The following ROCK2 variants were observed in gnomAD, a reference collection of about 807,000 sequenced individuals.
ROCK2 encodes Rho associated coiled-coil containing protein kinase 2, also known as rho-associated protein kinase 2.
ROCK2 carries 61 observed loss-of-function variants against 195.1 expected under a neutral mutation model. The ratio of observed to expected loss-of-function variants is 0.31; its 90% CI spans 0.25 to 0.39. The LOEUF (loss-of-function observed/expected upper bound fraction) is 0.39. ROCK2 is among the 10% of genes least tolerant of loss of function. The pLI, the probability that ROCK2 is intolerant of heterozygous loss-of-function variation, is 1.00. For synonymous variants in ROCK2, 504 were observed against 545.5 expected (o/e 0.92, Z 1.06); for missense variants, 1,109 against 1,637.4 (o/e 0.68, Z 5.57).
intron 1 of ROCK2, among the ~76,000 whole-genome samples, chr2:11,313,034 T>C (rs953150429): frequency 2.0e-5 from 3 of 152,070 alleles, no homozygotes; most frequent in South Asian, 2.1e-4. Flanking sequence ...TTTTGTATGA[T>C]ACTGTAACTG....
chr2:11,246,228 C>A (rs933039648), intron 4 of ROCK2, among the ~76,000 whole-genome samples: 3 of 152,136 alleles, frequency 2.0e-5, no homozygotes, highest in African/African-American at 7.2e-5. Context: ...CTATATCTAA[C>A]AACCAATTTA....
intron 1 of ROCK2, among the ~76,000 whole-genome samples, chr2:11,289,078 T>C (rs571065387): frequency 3.9e-5 from 6 of 152,196 alleles, no homozygotes; most frequent in South Asian, 2.1e-4. Flanking sequence ...GTGTTAAGAG[T>C]AAACTATTAA....
chr2:11,294,956 T>C (rs183029125), intron 1 of ROCK2, among the ~76,000 whole-genome samples: 2 of 152,062 alleles, frequency 1.3e-5, no homozygotes, highest in Admixed American at 1.3e-4. Context: ...CCCGGCTACT[T>C]TTTTGTATTT....
intron 3 of ROCK2, among the ~76,000 whole-genome samples, chr2:11,270,439 T>C (rs1192656507): frequency 6.6e-6 from 1 of 152,170 alleles, no homozygotes; most frequent in Non-Finnish European, 1.5e-5. Context: ...TTATTTCAAA[T>C]GTTTCTTCTG....
At chr2:11,185,924 T>C (rs1663180175) in intron 32 of ROCK2, among the ~76,000 whole-genome samples, 1 of 152,164 alleles carries the variant, frequency 6.6e-6, no homozygotes, top group Non-Finnish European at 1.5e-5. Context: ...CTTTAGTGTA[T>C]ATGATTTACC....
chr2:11,279,614 G>A (rs1205833895), intron 3 of ROCK2, among the ~76,000 whole-genome samples: 1 of 152,156 alleles, frequency 6.6e-6, no homozygotes, highest in Non-Finnish European at 1.5e-5. Context: ...ATCAGAAATG[G>A]ACAGATCCAG....
At chr2:11,269,610 T>C (rs1666553060) in intron 3 of ROCK2, among the ~76,000 whole-genome samples, 1 of 152,244 alleles carries the variant, frequency 6.6e-6, no homozygotes, top group African/African-American at 2.4e-5. Context: ...TTTCTTTGAA[T>C]GGCCTATATA....
Position 11,254,727 on chromosome 2 carries a change from T to TAAAAAAAAAAAA in ROCK2, c.325-4941_325-4930dup, listed in dbSNP as rs10640683. ...TAGGCAACAGTGAGACCCTGTCTCT[T>TAAAAAAAAAAAA]AAAAAAAAAAAAAAAAAAAAAAAAA... On this transcript the variant is annotated intron_variant, in intron 3 of 32. Coordinates refer to ENST00000315872, the MANE Select transcript of ROCK2 (RefSeq NM_004850.5). Among the ~76,000 whole-genome samples, 9 of 39,126 alleles carry TAAAAAAAAAAAA rather than the reference T, an allele frequency of 2.3e-4. 1 individual carries two copies. The highest frequency in any genetic ancestry group is 7.1e-4 in the Admixed American group (2 of 2,798). The allele number at this position is 39,126 out of a possible 152,430, so 25.7% of individuals were successfully genotyped here. A position where few individuals can be genotyped will look rare whatever the true frequency, so the allele number is the denominator to read the frequency against.
At chr2:11,185,087 GTTTGA>G (rs750699534) in intron 32 of ROCK2, among the ~76,000 whole-genome samples, 3 of 152,180 alleles carry the variant, frequency 2.0e-5, no homozygotes, top group Non-Finnish European at 2.9e-5. Flanking sequence ...CTGATGCCCA[GTTTGA>G]TTTGAGAATT....
intron 1 of ROCK2, among the ~76,000 whole-genome samples, chr2:11,340,253 C>T (rs1260648902): frequency 2.0e-5 from 3 of 152,162 alleles, no homozygotes; most frequent in Non-Finnish European, 4.4e-5. Context: ...ATTCATATTC[C>T]TCCAGCAAAA....
At chr2:11,221,118 T>C (rs1054939127) in intron 9 of ROCK2, 80 bp downstream of exon 9, 20 of 1,050,244 alleles carry the variant, frequency 1.9e-5, no homozygotes, top group Non-Finnish European at 2.7e-6. Flanking sequence ...TTATCTCCTA[T>C]AATTGAGTCT....
chr2:11,279,267 T>G (rs547211505), intron 3 of ROCK2, among the ~76,000 whole-genome samples: 1 of 152,308 alleles, frequency 6.6e-6, no homozygotes, highest in East Asian at 1.9e-4. Flanking sequence ...AAGACCCAAC[T>G]ATATTTTTTC....
At chr2:11,339,739 A>T (rs921193122) in intron 1 of ROCK2, among the ~76,000 whole-genome samples, 1 of 152,178 alleles carries the variant, frequency 6.6e-6, no homozygotes, top group African/African-American at 2.4e-5. Context: ...AGTAAAACTA[A>T]ACAATATTGT....
At chr2:11,341,104 G>T (rs772667503) in intron 1 of ROCK2, among the ~76,000 whole-genome samples, 2 of 151,426 alleles carry the variant, frequency 1.3e-5, no homozygotes, top group Non-Finnish European at 2.9e-5. Context: ...AGGCAGTAGA[G>T]AAGCAAAACT....
chr2:11,249,276 T>C (rs1036686529), intron 4 of ROCK2, among the ~76,000 whole-genome samples: 1 of 152,226 alleles, frequency 6.6e-6, no homozygotes, highest in African/African-American at 2.4e-5. Context: ...GTTACATATG[T>C]ACACATGTGC....
intron 1 of ROCK2, among the ~76,000 whole-genome samples, chr2:11,327,941 G>C (rs1668597544): frequency 6.6e-6 from 1 of 152,096 alleles, no homozygotes; most frequent in Non-Finnish European, 1.5e-5. Context: ...TTTTGTTTTT[G>C]TGATAAGCTG....
rs1170192181 is a variant in ROCK2, at chr2:11,218,464, T to G, written c.1323A>C (p.Glu441Asp). 1 of 1,553,974 alleles carries G rather than the reference T, an allele frequency of 6.4e-7. No individual in the cohort carries two copies. Reference protein sequence around the residue: ...TDSIQSRKNEESQEIQKKLYT... With the variant: ...TDSIQSRKNEDSQEIQKKLYT... ...GACAACATCAACATACCTCTTGACTTTCCTATTTAAAACAAAACAGAAAAC... is the reference window on the plus strand; with the variant it reads ...GACAACATCAACATACCTCTTGACTGTCCTATTTAAAACAAAACAGAAAAC... Residue 441 changes from glutamate (E) to aspartate (D), a missense_variant and splice_region_variant, in exon 11 of 33, where the codon GAA becomes GAC. Glu to Asp is a conservative substitution (Grantham distance 45). This residue lies in a region of ROCK2 where 542 missense variants were observed against 672.0 expected (regional missense o/e 0.81). Transcript: ENST00000315872.
chr2:11,245,856 T>G (rs1665595673), intron 4 of ROCK2, among the ~76,000 whole-genome samples: 1 of 152,184 alleles, frequency 6.6e-6, no homozygotes. Context: ...GTCCATGAGT[T>G]CAAACTGATT....
intron 4 of ROCK2, among the ~76,000 whole-genome samples, chr2:11,247,056 T>C (rs749180066): frequency 3.9e-5 from 6 of 152,166 alleles, no homozygotes; most frequent in Non-Finnish European, 7.3e-5. Context: ...TGCTATAACA[T>C]GAATGAATGA....
Sources: allele counts gnomAD v4.1 joint callset (sites outside exome capture counted in the v4.1 genomes callset), GRCh38; gene constraint gnomAD v4.1.1; regional missense constraint gnomAD v4.1.1; transcripts MANE v1.5; gene names NCBI Gene and HGNC (gene_info 2026-07-23, HGNC 2026-07-21).